The following SNRPC variants were observed in gnomAD, a reference collection of about 807,000 sequenced individuals.
The protein encoded by SNRPC is small nuclear ribonucleoprotein polypeptide C, also known as U1 small nuclear ribonucleoprotein C.
In SNRPC, 5 loss-of-function variants were observed where a neutral mutation model predicts 20.0. The observed-to-expected ratio is 0.25, with a 90% CI of 0.13 to 0.53. The LOEUF is 0.53. Among genes scored for constraint, SNRPC ranks in the 20% least tolerant of loss-of-function variants. The pLI, the probability that SNRPC is intolerant of heterozygous loss-of-function variation, is 0.96. For synonymous variants in SNRPC, 61 were observed against 58.7 expected (o/e 1.04, Z -0.18); for missense variants, 112 against 224.1 (o/e 0.50, Z 3.19).
At position 34,773,377 on chromosome 6, in the gene SNRPC, C is replaced by T; in HGVS notation, c.356-69C>T. The T allele has an allele frequency of 7.0e-7, 1 of 1,435,294 alleles. No individual in the cohort carries two copies. 88.9% of individuals were successfully genotyped at this position (1,435,294 alleles called of 1,614,324 possible). A position where few individuals can be genotyped will look rare whatever the true frequency, so the allele number is the denominator to read the frequency against. On this transcript the variant is annotated intron_variant, in intron 5 of 5. Coordinates refer to ENST00000244520, the MANE Select transcript of SNRPC (RefSeq NM_003093.3). The surrounding 1 kb of genome is among the most constrained non-coding windows in gnomAD (Gnocchi z 4.1). ...ACGTTTTTTGTTTTTAATTGAAGTC[C>T]CATCAAACTCTCCCTAAATCGTATT... is the stretch of plus-strand genomic sequence containing the variant.
intron 5 of SNRPC, among the ~76,000 whole-genome samples, chr6:34,771,906 A>G (rs1764696480): frequency 6.6e-6 from 1 of 152,230 alleles, no homozygotes; most frequent in Admixed American, 6.5e-5. Flanking sequence ...TAGAGGTTTT[A>G]GGGATGTGGT....
chr6:34,762,359 T>A (rs1764549176), intron 2 of SNRPC, among the ~76,000 whole-genome samples: 1 of 152,088 alleles, frequency 6.6e-6, no homozygotes, highest in Admixed American at 6.6e-5. Flanking sequence ...TACTTTTTTT[T>A]TAAAACACAA....
intron 5 of SNRPC, 150 bp downstream of exon 5, chr6:34,770,545 A>G: frequency 1.7e-6 from 1 of 594,424 alleles, no homozygotes; most frequent in Non-Finnish European, 3.0e-6. Flanking sequence ...ATTTACATAA[A>G]TTATCTAATT....
chr6:34,769,907 A>G (rs1340542976), intron 4 of SNRPC, among the ~76,000 whole-genome samples: 1 of 152,192 alleles, frequency 6.6e-6, no homozygotes, highest in East Asian at 1.9e-4. Flanking sequence ...GGAGTTCATG[A>G]GATCCTTTTA....
At chr6:34,769,442 C>T (rs1764658839) in intron 4 of SNRPC, among the ~76,000 whole-genome samples, 1 of 152,022 alleles carries the variant, frequency 6.6e-6, no homozygotes, top group South Asian at 2.1e-4. Context: ...ATCTGCCCGC[C>T]TCGGCCTCCC....
At chr6:34,760,491 G>A (rs1351815648) in intron 2 of SNRPC, among the ~76,000 whole-genome samples, 1 of 151,912 alleles carries the variant, frequency 6.6e-6, no homozygotes, top group Admixed American at 6.6e-5. Flanking sequence ...CCCTCTCTAG[G>A]TAAAACCCCT....
At chr6:34,767,777 A>G in intron 3 of SNRPC, 131 bp from the exon 4 acceptor site, 1 of 910,298 alleles carries the variant, frequency 1.1e-6, no homozygotes, top group East Asian at 2.9e-5. Context: ...TGATGTAATA[A>G]TTTTAGATGA....
intron 2 of SNRPC, 150 bp from the exon 3 acceptor site, chr6:34,762,445 G>T: frequency 3.6e-6 from 2 of 561,114 alleles, no homozygotes; most frequent in South Asian, 4.4e-5. Context: ...TTACCACAGT[G>T]TGTTGCTGGA....
At chr6:34,760,049 G>A (rs1764513392) in intron 2 of SNRPC, among the ~76,000 whole-genome samples, 1 of 151,410 alleles carries the variant, frequency 6.6e-6, no homozygotes, top group African/African-American at 2.4e-5. Flanking sequence ...CATTAATAGA[G>A]ATGTGGAACA....
intron 3 of SNRPC, among the ~76,000 whole-genome samples, chr6:34,767,259 CTA>C (rs1393790316): frequency 6.6e-6 from 1 of 152,214 alleles, no homozygotes; most frequent in African/African-American, 2.4e-5. Context: ...TCAAACAAAA[CTA>C]TGAATGGCTT....
rs1764719174 is a variant in SNRPC, at chr6:34,773,667, A to G, written c.*97A>G. ...TGATACTGAGTTTTCTAAACAGCAT[A>G]AGGAAGACTTGCTCCCCTGTCCTAT... On this transcript the variant is annotated 3_prime_UTR_variant, in exon 6 of 6. Transcript: ENST00000244520. This position sits in a 1 kb window ranked among gnomAD's most constrained non-coding sequence, Gnocchi z 4.1. The G allele has an allele frequency of 9.0e-7, 1 of 1,106,924 alleles. No individual in the cohort carries two copies. Among genetic ancestry groups the G allele is most frequent in the South Asian group, 1.5e-5 (1 of 64,758 alleles). 68.6% of individuals were successfully genotyped at this position (1,106,924 alleles called of 1,614,324 possible).
chr6:34,759,741 C>T (rs2127405526), intron 2 of SNRPC, among the ~76,000 whole-genome samples: 1 of 152,252 alleles, frequency 6.6e-6, no homozygotes, highest in Middle Eastern at 3.4e-3. Context: ...AAAGTAATGG[C>T]TTAGTAGTAT....
intron 3 of SNRPC, among the ~76,000 whole-genome samples, chr6:34,766,670 T>G (rs1486838830): frequency 6.6e-6 from 1 of 152,216 alleles, no homozygotes; most frequent in Non-Finnish European, 1.5e-5. Flanking sequence ...CTTCAGGCTT[T>G]ACAAGCTGTC....
At position 34,757,510 on chromosome 6, in the gene SNRPC, AC is replaced by A. The variant is rs779740795; in HGVS notation, c.-33del. The A allele has an allele frequency of 2.5e-6, 4 of 1,611,524 alleles. No individual in the cohort carries two copies. In the Admixed American group the frequency reaches 5.0e-5, roughly 20 times the overall value. On this transcript the variant is annotated 5_prime_UTR_variant, in exon 1 of 6. Transcript: ENST00000244520. ...GCTGTGCGCGTCATTTCCGGGCGTC[AC>A]GTAACGGAGTGGCCAACGGCCTGCA...
In SNRPC at chr6:34,773,495, G is replaced by A; in HGVS notation, c.405G>A (p.Gly135=). The part of the protein sequence containing the change: ...PMGGHMPMMP[G]PPMMRPPARP... ...GAGGCCATATGCCAATGATGCCTGG[G>A]CCCCCAATGATGAGACCTCCTGCCC... The change falls in exon 6 of 6, where the codon GGG becomes GGA. Residue 135 remains glycine (G), a synonymous_variant. Transcript: ENST00000244520. This position sits in a 1 kb window ranked among gnomAD's most constrained non-coding sequence, Gnocchi z 4.1. 1 of 1,613,590 alleles carries A rather than the reference G, an allele frequency of 6.2e-7. No individual in the cohort carries two copies. Among genetic ancestry groups the A allele is most frequent in the Non-Finnish European group, 8.5e-7 (1 of 1,179,756 alleles).
intron 3 of SNRPC, among the ~76,000 whole-genome samples, chr6:34,766,752 C>A (rs904908692): frequency 6.6e-6 from 1 of 152,268 alleles, no homozygotes; most frequent in East Asian, 1.9e-4. Context: ...CCTGAGATCG[C>A]ACAGGCTTTA....
intron 3 of SNRPC, among the ~76,000 whole-genome samples, chr6:34,765,282 G>T (rs534246747): frequency 2.0e-5 from 3 of 152,222 alleles, no homozygotes; most frequent in African/African-American, 7.2e-5. Flanking sequence ...TCCAGGCATT[G>T]TGCAGTGCCC....
intron 4 of SNRPC, among the ~76,000 whole-genome samples, chr6:34,768,416 C>T (rs1764642102): frequency 6.6e-6 from 1 of 152,064 alleles, no homozygotes. Context: ...GTCTTTTGCC[C>T]TATTTTCTAA....
At chr6:34,769,612 A>T (rs1173856314) in intron 4 of SNRPC, among the ~76,000 whole-genome samples, 1 of 152,110 alleles carries the variant, frequency 6.6e-6, no homozygotes, top group African/African-American at 2.4e-5. Context: ...CCATGTTTTC[A>T]TTTTTTACAA....
Sources: gnomAD v4.1 joint callset for allele counts (sites outside exome capture counted in the v4.1 genomes callset) on GRCh38, gnomAD v4.1.1 for gene constraint, Gnocchi (gnomAD v3.1) non-coding constraint, MANE v1.5 for transcripts, NCBI Gene and HGNC (gene_info 2026-07-23, HGNC 2026-07-21) for gene names.